Variants in GRID1 observed in about 807,000 individuals in gnomAD.
GRID1 encodes glutamate receptor ionotropic, delta-1.
GRID1 carries 28 observed loss-of-function variants against 98.0 expected under a neutral mutation model. The ratio of observed to expected loss-of-function variants is 0.29; its 90% CI spans 0.21 to 0.39. GRID1 has a LOEUF of 0.39. GRID1 is among the 10% of genes least tolerant of loss of function. GRID1 has a pLI of 1.00. For missense variants in GRID1, 1,111 were observed against 1,340.5 expected, an observed-to-expected ratio of 0.83 and a Z score of 2.67; for synonymous variants, 553 against 538.5, an observed-to-expected ratio of 1.03 and a Z score of -0.37.
chr10:85,804,371 T>C (rs1159934765), intron 8 of GRID1, among the ~76,000 whole-genome samples: 1 of 151,918 alleles, frequency 6.6e-6, no homozygotes, highest in Non-Finnish European at 1.5e-5. Flanking sequence ...ATTAAAGATA[T>C]TGAATTCATA....
intron 4 of GRID1, among the ~76,000 whole-genome samples, chr10:86,057,042 G>C (rs1387961582): frequency 6.6e-6 from 1 of 152,154 alleles, no homozygotes; most frequent in African/African-American, 2.4e-5. Flanking sequence ...GCTGTCCCTG[G>C]GACTCAGGCT....
intron 3 of GRID1, among the ~76,000 whole-genome samples, chr10:86,142,200 C>T (rs1433926322): frequency 1.3e-5 from 2 of 152,144 alleles, no homozygotes; most frequent in Non-Finnish European, 2.9e-5. Flanking sequence ...ACAAGCGAGC[C>T]CAGAGCAGAA....
intron 12 of GRID1, among the ~76,000 whole-genome samples, chr10:85,670,176 A>G (rs1305639613): frequency 6.6e-6 from 1 of 152,210 alleles, no homozygotes; most frequent in Non-Finnish European, 1.5e-5. Flanking sequence ...CACAGGAAAG[A>G]CTGAAAAGCC....
rs551315840 is a variant in GRID1 at position 85,837,026 on chromosome 10, C to A, written c.1233+17470G>T. 6.5e-4 allele frequency among the ~76,000 whole-genome samples: 99 copies of A among 152,304 alleles called. 1 individual carries two copies. The South Asian group carries it at 0.02, about 31-fold the overall frequency. On this transcript the variant is annotated intron_variant, in intron 8 of 15. Coordinates refer to ENST00000327946, the MANE Select transcript of GRID1 (RefSeq NM_017551.3). ...CACACATCACATTGTTAGCATGTGT[C>A]TGCACAGGTGGGTTTTGCTTTACTT...
chr10:85,999,849 A>G (rs1272690616), intron 4 of GRID1, among the ~76,000 whole-genome samples: 2 of 152,340 alleles, frequency 1.3e-5, no homozygotes, highest in East Asian at 3.9e-4. Flanking sequence ...CTATTTCTAA[A>G]ACCTATGTCT....
intron 12 of GRID1, among the ~76,000 whole-genome samples, chr10:85,656,938 A>G (rs765182850): frequency 6.6e-6 from 1 of 152,106 alleles, no homozygotes; most frequent in African/African-American, 2.4e-5. Flanking sequence ...AAGCCCTCCA[A>G]TGACTTCTTG....
intron 3 of GRID1, among the ~76,000 whole-genome samples, chr10:86,189,948 C>T (rs1187696292): frequency 6.6e-6 from 1 of 152,168 alleles, no homozygotes; most frequent in East Asian, 1.9e-4. Context: ...GCTAACACCC[C>T]ACTCTCTGAC....
intron 3 of GRID1, among the ~76,000 whole-genome samples, chr10:86,179,119 G>A (rs1307276954): frequency 1.3e-5 from 2 of 152,116 alleles, no homozygotes; most frequent in South Asian, 2.1e-4. Flanking sequence ...CCAGAAGGGA[G>A]AAATCCCCCC....
At chr10:86,130,666 G>A (rs962733682) in intron 4 of GRID1, among the ~76,000 whole-genome samples, 1 of 152,180 alleles carries the variant, frequency 6.6e-6, no homozygotes, top group Non-Finnish European at 1.5e-5. Context: ...CCTACTGAGA[G>A]CCACTTCCAT....
At chr10:85,651,017 C>T (rs1411548029) in intron 12 of GRID1, among the ~76,000 whole-genome samples, 1 of 152,180 alleles carries the variant, frequency 6.6e-6, no homozygotes, top group Non-Finnish European at 1.5e-5. Context: ...CCTTGGGCCC[C>T]ACTCCAGACA....
intron 3 of GRID1, among the ~76,000 whole-genome samples, chr10:86,183,647 C>T (rs1444566011): frequency 1.3e-5 from 2 of 152,252 alleles, no homozygotes; most frequent in Non-Finnish European, 2.9e-5. Context: ...GCGTGAGCCA[C>T]CACGCCCAGC....
At chr10:86,037,520 C>T (rs995197362) in intron 4 of GRID1, among the ~76,000 whole-genome samples, 2 of 152,196 alleles carry the variant, frequency 1.3e-5, no homozygotes, top group Admixed American at 1.3e-4. Flanking sequence ...AAAATTGCTA[C>T]TATTATTCTA....
At chr10:86,306,987 A>G (rs55953127) in intron 2 of GRID1, among the ~76,000 whole-genome samples, 1 of 152,372 alleles carries the variant, frequency 6.6e-6, no homozygotes, top group Admixed American at 6.5e-5. Context: ...AGTACAAGTA[A>G]TAAACATATC....
intron 2 of GRID1, among the ~76,000 whole-genome samples, chr10:86,256,106 G>T (rs968345694): frequency 6.6e-6 from 1 of 152,160 alleles, no homozygotes; most frequent in Non-Finnish European, 1.5e-5. Context: ...TGTGAATTTT[G>T]TCTGTGTGTC....
chr10:86,255,294 A>G (rs147073543), intron 2 of GRID1, among the ~76,000 whole-genome samples: 87 of 152,374 alleles, frequency 5.7e-4, no homozygotes, highest in Middle Eastern at 3.4e-3. Flanking sequence ...GAGAAGCTGG[A>G]CAGAGAAGCT....
At chr10:85,873,838 G>A (rs935417160) in intron 5 of GRID1, among the ~76,000 whole-genome samples, 2 of 152,198 alleles carry the variant, frequency 1.3e-5, no homozygotes, top group African/African-American at 4.8e-5. Flanking sequence ...ACTTCAACAA[G>A]CAACGTCTCT....
chr10:86,147,567 G>T (rs1450528887), intron 3 of GRID1, among the ~76,000 whole-genome samples: 1 of 152,154 alleles, frequency 6.6e-6, no homozygotes, highest in Admixed American at 6.5e-5. Context: ...CTTCAACAAA[G>T]CTGACAAAAA....
At chr10:86,239,073 T>G (rs1489934747) in intron 2 of GRID1, among the ~76,000 whole-genome samples, 1 of 152,054 alleles carries the variant, frequency 6.6e-6, no homozygotes, top group Non-Finnish European at 1.5e-5. Flanking sequence ...CAACACTCCA[T>G]CCTCCAGAGC....
chr10:85,938,317 C>A (rs556474169), intron 4 of GRID1, among the ~76,000 whole-genome samples: 1 of 152,344 alleles, frequency 6.6e-6, no homozygotes, highest in South Asian at 2.1e-4. Flanking sequence ...TTACCAGCAT[C>A]TAAGTGCTCG....
Sources: allele counts gnomAD v4.1 joint callset (sites outside exome capture counted in the v4.1 genomes callset), GRCh38; gene constraint gnomAD v4.1.1; transcripts MANE v1.5; gene names NCBI Gene and HGNC (gene_info 2026-07-23, HGNC 2026-07-21).